DGKB: variants seen among roughly 807,000 people sequenced by gnomAD.
The protein encoded by DGKB is 90 kDa diacylglycerol kinase.
A neutral mutation model predicts 114.3 loss-of-function variants in DGKB; 67 were observed. The observed-to-expected ratio is 0.59, with a 90% CI of 0.48 to 0.72. The LOEUF (loss-of-function observed/expected upper bound fraction) is 0.72, where lower values mean the gene tolerates loss of function less well. DGKB is among the 30% of genes least tolerant of loss of function. The pLI, the probability that DGKB is intolerant of heterozygous loss-of-function variation, is 0.00. For missense variants in DGKB, 907 were observed against 975.2 expected (o/e 0.93, Z 0.93); for synonymous variants, 398 against 323.1 (o/e 1.23, Z -2.49).
intron 23 of DGKB, among the ~76,000 whole-genome samples, chr7:14,300,380 G>A (rs1283284218): frequency 1.3e-5 from 2 of 152,016 alleles, no homozygotes; most frequent in Admixed American, 6.6e-5. Flanking sequence ...CTAATCAACT[G>A]TGCAACTGGA....
chr7:14,825,016 G>GTATGTATA (rs1554292318), intron 2 of DGKB, among the ~76,000 whole-genome samples: 2 of 92,412 alleles, frequency 2.2e-5, no homozygotes, highest in South Asian at 8.0e-4. Context: ...GTATGTGTAT[G>GTATGTATA]TATATATATA....
intron 19 of DGKB, among the ~76,000 whole-genome samples, chr7:14,578,547 A>G (rs1197754171): frequency 6.6e-6 from 1 of 152,142 alleles, no homozygotes; most frequent in Non-Finnish European, 1.5e-5. Flanking sequence ...GCATCTTGAT[A>G]CCTTGCTTTC....
intron 13 of DGKB, among the ~76,000 whole-genome samples, chr7:14,638,976 T>C (rs923776079): frequency 6.6e-6 from 1 of 152,070 alleles, no homozygotes; most frequent in Non-Finnish European, 1.5e-5. Context: ...AGGTGGAGGT[T>C]GCAGTGAGCT....
Position 14,312,610 on chromosome 7 carries a change from A to G in DGKB, c.2122+25905T>C, listed in dbSNP as rs1416708197. Among the ~76,000 whole-genome samples the G allele has an allele frequency of 2.0e-5, 3 of 152,224 alleles. No individual in the cohort carries two copies. The East Asian group carries it at 5.8e-4, about 29-fold the overall frequency. ...GCATAAAGCAATTGTGCTGCATAAC[A>G]AACTGTGATACTTGTTTAAAGAAAA... On this transcript the variant is annotated intron_variant, in intron 23 of 25. Transcript: ENST00000402815.
intron 23 of DGKB, among the ~76,000 whole-genome samples, chr7:14,322,400 T>C (rs1000146870): frequency 1.3e-5 from 2 of 152,190 alleles, no homozygotes; most frequent in African/African-American, 4.8e-5. Flanking sequence ...TGTAGGAGTC[T>C]TTTCAATAAA....
intron 1 of DGKB, among the ~76,000 whole-genome samples, chr7:14,967,249 A>C (rs899714120): frequency 1.3e-5 from 2 of 152,162 alleles, no homozygotes; most frequent in East Asian, 3.8e-4. Flanking sequence ...CTACATAAGA[A>C]TGCAAACAAA....
chr7:14,486,729 A>G (rs1783870019), intron 20 of DGKB, among the ~76,000 whole-genome samples: 1 of 152,190 alleles, frequency 6.6e-6, no homozygotes, highest in Non-Finnish European at 1.5e-5. Flanking sequence ...CACAGGGACC[A>G]CAGTCCTTGA....
At chr7:14,463,187 A>G (rs1833340991) in intron 21 of DGKB, among the ~76,000 whole-genome samples, 2 of 152,090 alleles carry the variant, frequency 1.3e-5, no homozygotes, top group South Asian at 4.1e-4. Context: ...GTGGGAGTTG[A>G]ACAATGAGAA....
intron 1 of DGKB, among the ~76,000 whole-genome samples, chr7:14,940,912 A>G (rs1785537862): frequency 1.3e-5 from 2 of 152,052 alleles, no homozygotes; most frequent in African/African-American, 2.4e-5. Context: ...ACACAGCATG[A>G]TATTTACTGA....
At chr7:14,303,302 A>G (rs1469332882) in intron 23 of DGKB, among the ~76,000 whole-genome samples, 1 of 152,170 alleles carries the variant, frequency 6.6e-6, no homozygotes, top group Non-Finnish European at 1.5e-5. Flanking sequence ...ATGCCATTTT[A>G]GAAACTTTAC....
At chr7:14,371,388 C>T (rs1013489666) in intron 21 of DGKB, among the ~76,000 whole-genome samples, 3 of 152,056 alleles carry the variant, frequency 2.0e-5, no homozygotes, top group Non-Finnish European at 2.9e-5. Flanking sequence ...AATAGTATCT[C>T]ACTGTGGTTT....
At chr7:14,690,204 T>C (rs1822577768) in intron 9 of DGKB, among the ~76,000 whole-genome samples, 1 of 152,242 alleles carries the variant, frequency 6.6e-6, no homozygotes, top group South Asian at 2.1e-4. Context: ...ATTATCTTGT[T>C]CATGCAGGAA....
chr7:14,878,254 T>C (rs1467977940), intron 1 of DGKB, among the ~76,000 whole-genome samples: 1 of 152,234 alleles, frequency 6.6e-6, no homozygotes, highest in Non-Finnish European at 1.5e-5. Flanking sequence ...TTTATCTGCA[T>C]TCACAAATGG....
intron 17 of DGKB, among the ~76,000 whole-genome samples, chr7:14,591,371 T>C (rs1021596594): frequency 1.3e-5 from 2 of 152,092 alleles, no homozygotes; most frequent in Non-Finnish European, 2.9e-5. Flanking sequence ...ATTTTATTAA[T>C]TTTTTTGAAA....
chr7:14,276,412 T>C (rs1026028083), intron 23 of DGKB, among the ~76,000 whole-genome samples: 5 of 152,210 alleles, frequency 3.3e-5, no homozygotes, highest in African/African-American at 9.6e-5. Flanking sequence ...AATTACAGTA[T>C]GTCTACATGA....
intron 25 of DGKB, among the ~76,000 whole-genome samples, chr7:14,149,618 A>G (rs1781884197): frequency 6.6e-6 from 1 of 152,158 alleles, no homozygotes; most frequent in Non-Finnish European, 1.5e-5. Flanking sequence ...AGAAGGCACC[A>G]TTATAGTTTC....
At chr7:14,888,986 A>T (rs1465041149) in intron 1 of DGKB, among the ~76,000 whole-genome samples, 1 of 151,606 alleles carries the variant, frequency 6.6e-6, no homozygotes, top group Non-Finnish European at 1.5e-5. Flanking sequence ...CATGGATTGT[A>T]GCAGCCAGGA....
chr7:14,874,065 G>A (rs1388807411), intron 1 of DGKB, among the ~76,000 whole-genome samples: 1 of 152,048 alleles, frequency 6.6e-6, no homozygotes, highest in Non-Finnish European at 1.5e-5. Flanking sequence ...GTACACCTAT[G>A]TATCAAACAA....
intron 23 of DGKB, chr7:14,209,632 T>C: frequency 2.6e-6 from 1 of 385,780 alleles, no homozygotes; most frequent in Non-Finnish European, 5.2e-6. Flanking sequence ...AATCTCCCAT[T>C]TGAAGAAAAA....
Sources: gnomAD v4.1 joint callset for allele counts (sites outside exome capture counted in the v4.1 genomes callset) on GRCh38, gnomAD v4.1.1 for gene constraint, MANE v1.5 for transcripts, NCBI Gene and HGNC (gene_info 2026-07-23, HGNC 2026-07-21) for gene names.